STAU2: variants seen among roughly 807,000 people sequenced by gnomAD.
The protein encoded by STAU2 is double-stranded RNA-binding protein Staufen homolog 2.
STAU2 carries 20 observed loss-of-function variants against 65.9 expected under a neutral mutation model. The ratio of observed to expected loss-of-function variants is 0.30; its 90% CI spans 0.21 to 0.44. The LOEUF is 0.44. STAU2 is among the 20% of genes least tolerant of loss of function. The probability of loss-of-function intolerance (pLI) is 1.00; values close to 1 mark genes in which losing one functional copy is unlikely to be tolerated. For synonymous variants in STAU2, 232 were observed against 233.9 expected, an observed-to-expected ratio of 0.99 and a Z score of 0.07; for missense variants, 558 against 683.9, an observed-to-expected ratio of 0.82 and a Z score of 2.05.
intron 6 of STAU2, among the ~76,000 whole-genome samples, chr8:73,639,284 G>A (rs150140104): frequency 0.021 from 3,151 of 151,958 alleles, 35 homozygotes; most frequent in Admixed American, 0.03. Context: ...ACTAACAAAG[G>A]AAAAAGAATA....
At position 73,615,712 on chromosome 8, in the gene STAU2, T is replaced by G; in HGVS notation, c.641A>C (p.Glu214Ala). ...ANKSEISLVF[E>A]IALKRNMPVS... ...AGGCATATTTCGCTTCAGAGCAATT[T>G]CAAACACTAAGCTGATCTCAGACTT... The change falls in exon 8 of 15, where the codon GAA becomes GCA. Residue 214 changes from glutamate (E) to alanine (A), a missense_variant. Coordinates refer to ENST00000524300, the MANE Select transcript of STAU2 (RefSeq NM_001164380.2). 1 of 1,613,928 alleles carries G rather than the reference T, an allele frequency of 6.2e-7. No individual in the cohort carries two copies. The highest frequency in any genetic ancestry group is 1.7e-5 in the Admixed American group (1 of 60,026).
intron 6 of STAU2, among the ~76,000 whole-genome samples, chr8:73,627,096 C>T (rs921996117): frequency 6.6e-5 from 10 of 151,404 alleles, no homozygotes; most frequent in Admixed American, 4.6e-4. Flanking sequence ...GCCTCTTCTT[C>T]CAGTGTGCTG....
At chr8:73,685,388 T>C (rs1349375989) in intron 5 of STAU2, among the ~76,000 whole-genome samples, 1 of 151,350 alleles carries the variant, frequency 6.6e-6, no homozygotes, top group Non-Finnish European at 1.5e-5. Context: ...TTTCTTTTTT[T>C]TTTTTTTGAG....
chr8:73,543,289 G>A (rs1381476850), intron 13 of STAU2, among the ~76,000 whole-genome samples: 1 of 152,092 alleles, frequency 6.6e-6, no homozygotes, highest in Non-Finnish European at 1.5e-5. Context: ...AAGGGCGGAG[G>A]CAAATCTTTT....
intron 6 of STAU2, among the ~76,000 whole-genome samples, chr8:73,650,184 T>C (rs1214540733): frequency 1.3e-5 from 2 of 151,986 alleles, no homozygotes; most frequent in African/African-American, 4.8e-5. Flanking sequence ...TGCTCTATGA[T>C]GAGCTTTGAT....
chr8:73,603,934 G>A, intron 9 of STAU2, 71 bp from the exon 10 acceptor site: 4 of 1,480,330 alleles, frequency 2.7e-6, no homozygotes, highest in Non-Finnish European at 2.7e-6. Flanking sequence ...TAAAGAAACA[G>A]TGCTTCTTCC....
At chr8:73,712,448 G>C (rs1418873635) in intron 3 of STAU2, among the ~76,000 whole-genome samples, 2 of 152,032 alleles carry the variant, frequency 1.3e-5, no homozygotes, top group African/African-American at 4.8e-5. Flanking sequence ...TATCTCACTA[G>C]ATAATTGCAT....
chr8:73,633,700 G>A (rs1296067403), intron 6 of STAU2, among the ~76,000 whole-genome samples: 1 of 152,160 alleles, frequency 6.6e-6, no homozygotes, highest in African/African-American at 2.4e-5. Flanking sequence ...GACCACTGAG[G>A]CCAGGCACGG....
intron 13 of STAU2, among the ~76,000 whole-genome samples, chr8:73,453,789 A>G (rs1476588841): frequency 2.0e-5 from 3 of 152,012 alleles, no homozygotes; most frequent in Non-Finnish European, 2.9e-5. Flanking sequence ...TTTTTTTTAA[A>G]AAAAAAAGAT....
At chr8:73,519,141 C>A (rs972188006) in intron 13 of STAU2, among the ~76,000 whole-genome samples, 1 of 152,172 alleles carries the variant, frequency 6.6e-6, no homozygotes, top group Non-Finnish European at 1.5e-5. Context: ...CAGCACTTGG[C>A]GCTGCTGACG....
intron 3 of STAU2, among the ~76,000 whole-genome samples, chr8:73,718,808 C>T (rs1337591313): frequency 6.6e-6 from 1 of 152,136 alleles, no homozygotes; most frequent in Non-Finnish European, 1.5e-5. Context: ...TTTGAAAATG[C>T]TACTCTTTTA....
chr8:73,421,463 T>A lies in STAU2; in HGVS notation c.1622A>T (p.Gln541Leu). 1 of 1,537,306 alleles carries A rather than the reference T, an allele frequency of 6.5e-7. No individual in the cohort carries two copies. Among genetic ancestry groups the A allele is most frequent in the Non-Finnish European group, 8.7e-7 (1 of 1,146,920 alleles). The change falls in exon 15 of 15, where the codon CAA becomes CTA. Residue 541 changes from glutamine (Q) to leucine (L), a missense_variant and splice_region_variant. Coordinates refer to ENST00000524300, the MANE Select transcript of STAU2 (RefSeq NM_001164380.2). ...CGCTTTCTCTCTCAGATGCTTGGCT[T>A]GTCTGAAAGATTAATACATTAACAA... is the stretch of plus-strand genomic sequence containing the variant. Reference protein sequence around the residue: ...MNIEKGSLEKQAKHLREKADN... With the variant: ...MNIEKGSLEKLAKHLREKADN...
intron 6 of STAU2, among the ~76,000 whole-genome samples, chr8:73,671,478 T>C (rs1342306750): frequency 1.3e-5 from 2 of 152,082 alleles, no homozygotes; most frequent in Non-Finnish European, 2.9e-5. Context: ...CAGAATAGAA[T>C]AAGCATTCTC....
intron 12 of STAU2, among the ~76,000 whole-genome samples, chr8:73,569,695 C>CAGG (rs1808894389): frequency 6.6e-6 from 1 of 152,220 alleles, no homozygotes; most frequent in Non-Finnish European, 1.5e-5. Context: ...CCCAGGCAAA[C>CAGG]AGGATCTGGA....
intron 13 of STAU2, among the ~76,000 whole-genome samples, chr8:73,509,824 T>TAA (rs145726303): frequency 6.6e-6 from 1 of 151,722 alleles, no homozygotes; most frequent in African/African-American, 2.4e-5. Context: ...ATACAACTGG[T>TAA]AAAAAAAAAT....
At chr8:73,660,443 GTGGTGATC>G (rs1454431078) in intron 6 of STAU2, among the ~76,000 whole-genome samples, 1 of 152,160 alleles carries the variant, frequency 6.6e-6, no homozygotes, top group Admixed American at 6.5e-5. Flanking sequence ...CCAAGATTAA[GTGGTGATC>G]CCTGGGCCTG....
At chr8:73,622,085 T>A in intron 6 of STAU2, among the ~76,000 whole-genome samples, 1 of 147,452 alleles carries the variant, frequency 6.8e-6, no homozygotes, top group Non-Finnish European at 1.5e-5. Flanking sequence ...GCCTCCCGAG[T>A]AGCTGGGACT....
intron 6 of STAU2, among the ~76,000 whole-genome samples, chr8:73,636,658 T>C (rs928734797): frequency 1.1e-4 from 17 of 151,840 alleles, no homozygotes; most frequent in African/African-American, 3.9e-4. Context: ...AGGCTATGAG[T>C]TCGAGACCAG....
intron 4 of STAU2, among the ~76,000 whole-genome samples, chr8:73,691,340 A>G (rs995829231): frequency 4.6e-5 from 7 of 152,200 alleles, no homozygotes; most frequent in African/African-American, 1.7e-4. Flanking sequence ...CTTATTTAAC[A>G]TCTCATAACT....
Sources: gnomAD v4.1 joint callset for allele counts (sites outside exome capture counted in the v4.1 genomes callset) on GRCh38, gnomAD v4.1.1 for gene constraint, MANE v1.5 for transcripts, NCBI Gene and HGNC (gene_info 2026-07-23, HGNC 2026-07-21) for gene names.